TEKT5: variants seen among roughly 807,000 people sequenced by gnomAD.
TEKT5 encodes the protein tektin 5, also known as tektin-5.
In TEKT5, 52 loss-of-function variants were observed where a neutral mutation model predicts 48.7. The ratio of observed to expected loss-of-function variants is 1.07; its 90% CI spans 0.86 to 1.35. The LOEUF is 1.35. Among genes scored for constraint, TEKT5 ranks in the 40% most tolerant of loss-of-function variants. The pLI, the probability that TEKT5 is intolerant of heterozygous loss-of-function variation, is 0.00. For synonymous variants in TEKT5, 318 were observed against 267.6 expected, an observed-to-expected ratio of 1.19 and a Z score of -1.84; for missense variants, 831 against 641.6, an observed-to-expected ratio of 1.30 and a Z score of -3.19.
chr16:10,684,117 C>T (rs540927658), intron 3 of TEKT5, among the ~76,000 whole-genome samples: 1 of 152,024 alleles, frequency 6.6e-6, no homozygotes, highest in South Asian at 2.1e-4. Context: ...AAAAAGAGAT[C>T]AGTTGATGGT....
chr16:10,636,648 C>A (rs1028694934), intron 5 of TEKT5, among the ~76,000 whole-genome samples: 1 of 150,734 alleles, frequency 6.6e-6, no homozygotes, highest in Non-Finnish European at 1.5e-5. Context: ...AATCTCTAAG[C>A]CAGTTTCACT....
intron 5 of TEKT5, among the ~76,000 whole-genome samples, chr16:10,640,660 A>G (rs1275741269): frequency 6.6e-6 from 1 of 152,154 alleles, no homozygotes; most frequent in Non-Finnish European, 1.5e-5. Flanking sequence ...CTGATCATAG[A>G]TAAACACTTC....
chr16:10,665,066 C>T (rs966580509), intron 5 of TEKT5, among the ~76,000 whole-genome samples: 2 of 152,138 alleles, frequency 1.3e-5, no homozygotes, highest in Non-Finnish European at 2.9e-5. Flanking sequence ...TGGGTCTTAC[C>T]TGTCGGGACA....
intron 5 of TEKT5, chr16:10,671,816 C>A (rs1898553189): frequency 6.6e-6 from 1 of 152,166 alleles, no homozygotes; most frequent in African/African-American, 2.4e-5. Flanking sequence ...GGGGAACTCC[C>A]TTTTATAGAA....
intron 5 of TEKT5, among the ~76,000 whole-genome samples, chr16:10,654,147 C>T (rs940663039): frequency 1.3e-5 from 2 of 152,098 alleles, no homozygotes; most frequent in African/African-American, 4.8e-5. Context: ...ACATCCCAGG[C>T]TCAAGGGATC....
At chr16:10,678,450 A>C (rs1399766510) in intron 4 of TEKT5, among the ~76,000 whole-genome samples, 1 of 152,168 alleles carries the variant, frequency 6.6e-6, no homozygotes, top group Non-Finnish European at 1.5e-5. Flanking sequence ...AGAAAGTTTT[A>C]AAAATCATAT....
intron 5 of TEKT5, among the ~76,000 whole-genome samples, chr16:10,654,660 C>T (rs565736593): frequency 1.3e-5 from 2 of 152,072 alleles, no homozygotes; most frequent in Admixed American, 6.6e-5. Context: ...CAGACTCAGA[C>T]GGAAGCTTAC....
intron 5 of TEKT5, among the ~76,000 whole-genome samples, chr16:10,657,449 G>A (rs1898280934): frequency 2.0e-5 from 3 of 152,094 alleles, no homozygotes; most frequent in Non-Finnish European, 4.4e-5. Flanking sequence ...TTAAACAACT[G>A]TATTTAGGAT....
In TEKT5 at chr16:10,694,877, C is replaced by T. The variant is rs1348543911; in HGVS notation, c.-4G>A. 2 of 1,533,270 alleles carry T rather than the reference C, an allele frequency of 1.3e-6. No individual in the cohort carries two copies. The highest frequency in any genetic ancestry group is 2.1e-5 in the Admixed American group (1 of 47,392). The allele number at this position is 1,533,270 out of a possible 1,614,324, so 95.0% of individuals were successfully genotyped here. On this transcript the variant is annotated 5_prime_UTR_variant, in exon 1 of 7. Coordinates refer to ENST00000283025, the MANE Select transcript of TEKT5 (RefSeq NM_144674.2). ...GAGTAGTCCCAAGAAACTCCATCCT[C>T]CCTCATGAGCCCCACTCGGGCAAAA...
intron 1 of TEKT5, among the ~76,000 whole-genome samples, chr16:10,690,427 G>A (rs1044015179): frequency 3.3e-5 from 5 of 152,096 alleles, no homozygotes; most frequent in African/African-American, 7.2e-5. Flanking sequence ...GACTTCAATC[G>A]GGGCTTGACC....
chr16:10,689,861 AC>A, intron 2 of TEKT5, 80 bp downstream of exon 2: 1 of 1,391,234 alleles, frequency 7.2e-7, no homozygotes, highest in Non-Finnish European at 1.0e-6. Flanking sequence ...TCTGCTCCTG[AC>A]AGGTAGCTCA....
Position 10,627,730 on chromosome 16 carries a change from C to T in TEKT5, c.1311G>A (p.Gln437=), listed in dbSNP as rs1349659414. The part of the protein sequence containing the change: ...QTLKLRLRET[Q]DTLQLLVMTK... ...TCATGACCAGCAGCTGCAGCGTGTC[C>T]TGTGTCTCCCGCAGCCGCAGCTTGA... The change falls in exon 7 of 7, where the codon CAG becomes CAA. Residue 437 remains glutamine (Q), a synonymous_variant. Transcript: ENST00000283025. 3.1e-6 allele frequency: 5 copies of T among 1,614,082 alleles called. No homozygotes were observed. In the Admixed American group the frequency reaches 8.3e-5, roughly 27 times the overall value.
chr16:10,635,328 C>G (rs1897897928), intron 6 of TEKT5, among the ~76,000 whole-genome samples: 1 of 151,918 alleles, frequency 6.6e-6, no homozygotes, highest in South Asian at 2.1e-4. Flanking sequence ...TCTTCCAGGG[C>G]TTCATGGTAA....
intron 6 of TEKT5, among the ~76,000 whole-genome samples, chr16:10,630,428 T>C (rs1897822777): frequency 6.6e-6 from 1 of 151,774 alleles, no homozygotes; most frequent in Non-Finnish European, 1.5e-5. Context: ...TTTATAGAGA[T>C]GGGGTTTATT....
intron 5 of TEKT5, among the ~76,000 whole-genome samples, chr16:10,674,466 T>C (rs1169187377): frequency 6.6e-6 from 1 of 151,614 alleles, no homozygotes; most frequent in Non-Finnish European, 1.5e-5. Flanking sequence ...AAACCCTGTC[T>C]CTACAAAAAA....
chr16:10,660,802 G>C (rs1898356777), intron 5 of TEKT5, among the ~76,000 whole-genome samples: 1 of 152,042 alleles, frequency 6.6e-6, no homozygotes, highest in African/African-American at 2.4e-5. Context: ...CTGGGTTCAA[G>C]AGATTCTCCT....
At chr16:10,644,916 G>A (rs895513896) in intron 5 of TEKT5, among the ~76,000 whole-genome samples, 6 of 152,166 alleles carry the variant, frequency 3.9e-5, no homozygotes, top group African/African-American at 1.4e-4. Flanking sequence ...CCTCTGAGAG[G>A]CGATTAGGTG....
At chr16:10,638,381 G>A (rs2142261824) in intron 5 of TEKT5, among the ~76,000 whole-genome samples, 2 of 152,258 alleles carry the variant, frequency 1.3e-5, no homozygotes, top group East Asian at 3.9e-4. Flanking sequence ...TGGTCACGGT[G>A]TCCCTCTTCT....
chr16:10,656,544 C>T (rs1213203414), intron 5 of TEKT5, among the ~76,000 whole-genome samples: 2 of 152,060 alleles, frequency 1.3e-5, no homozygotes, highest in African/African-American at 2.4e-5. Flanking sequence ...TGAGCCACCA[C>T]ACCCAGCCAT....
Sources: allele counts gnomAD v4.1 joint callset (sites outside exome capture counted in the v4.1 genomes callset), GRCh38; gene constraint gnomAD v4.1.1; transcripts MANE v1.5; gene names NCBI Gene and HGNC (gene_info 2026-07-23, HGNC 2026-07-21).